TRIOBP: variants seen among roughly 807,000 people sequenced by gnomAD.
TRIOBP encodes the protein TRIO and F-actin binding protein.
Under a neutral mutation model 238.8 loss-of-function variants are expected in TRIOBP, and 169 were observed. That is an observed-to-expected ratio of 0.71 (90% CI 0.62 to 0.80). The LOEUF is 0.80. TRIOBP is among the 30% of genes least tolerant of loss of function. The pLI, the probability that TRIOBP is intolerant of heterozygous loss-of-function variation, is 0.00. For missense variants in TRIOBP, 2,838 were observed against 3,122.6 expected (o/e 0.91, Z 2.17); for synonymous variants, 1,150 against 1,274.4 (o/e 0.90, Z 2.08).
At chr22:37,697,892 C>T (rs1040669863) in intron 2 of TRIOBP, among the ~76,000 whole-genome samples, 196 bp downstream of exon 2, 1 of 152,046 alleles carries the variant, frequency 6.6e-6, no homozygotes, top group Non-Finnish European at 1.5e-5. Flanking sequence ...GAAAGGAGAA[C>T]CCTTGCACAA....
Position 37,734,435 on chromosome 22 carries a change from C to G in TRIOBP, c.4099C>G (p.Arg1367Gly). ...CCCTGCCAAACAGGCAGAACTGACC[C>G]GGCGGAGCCAAGCAGAGCCCCCTCA... ...MLPAKQAELT[R>G]RSQAEPPHPW... The change falls in exon 9 of 24, where the codon CGG (arginine) becomes GGG (glycine). Residue 1367 changes from arginine to glycine, a missense_variant. Physicochemically the swap from Arg to Gly is moderately radical, Grantham distance 125. This residue lies in a region of TRIOBP where 2,096 missense variants were observed against 2,137.4 expected (regional missense o/e 0.98). Coordinates refer to ENST00000644935, the MANE Select transcript of TRIOBP (RefSeq NM_001039141.3). The G allele has an allele frequency of 1.2e-6, 2 of 1,613,250 alleles. No individual in the cohort carries two copies. The highest frequency in any genetic ancestry group is 1.7e-6 in the Non-Finnish European group (2 of 1,179,948).
intron 23 of TRIOBP, among the ~76,000 whole-genome samples, chr22:37,773,251 C>T (rs529144470): frequency 2.6e-5 from 4 of 152,124 alleles, no homozygotes; most frequent in Admixed American, 2.6e-4. Flanking sequence ...AAAGGTCTTA[C>T]TCTGACACCC....
intron 17 of TRIOBP, among the ~76,000 whole-genome samples, chr22:37,761,534 G>A (rs914123141): frequency 1.1e-4 from 17 of 152,186 alleles, no homozygotes; most frequent in Admixed American, 1.1e-3. Flanking sequence ...GTGACATCAG[G>A]AAAGTGATGT....
At chr22:37,732,161 G>A (rs1327451964) in intron 7 of TRIOBP, among the ~76,000 whole-genome samples, 3 of 152,192 alleles carry the variant, frequency 2.0e-5, no homozygotes, top group Non-Finnish European at 4.4e-5. Context: ...CTTAGGTAGA[G>A]GAAGGGAGAG....
At chr22:37,755,023 C>T (rs1925840208) in intron 13 of TRIOBP, 39 bp downstream of exon 13, 1 of 1,611,340 alleles carries the variant, frequency 6.2e-7, no homozygotes, top group South Asian at 1.1e-5. Flanking sequence ...CCGGAAGGGC[C>T]TGGGGTGGCC....
At chr22:37,728,520 C>T (rs911527379) in intron 7 of TRIOBP, among the ~76,000 whole-genome samples, 2 of 151,776 alleles carry the variant, frequency 1.3e-5, no homozygotes, top group African/African-American at 4.9e-5. Context: ...CAGATGACAA[C>T]CGTGTGGTCT....
chr22:37,707,357 A>G (rs1484820350), intron 3 of TRIOBP, among the ~76,000 whole-genome samples: 1 of 151,818 alleles, frequency 6.6e-6, no homozygotes, highest in African/African-American at 2.4e-5. Context: ...CTGCCTGTGC[A>G]CTCCTCTGCC....
At chr22:37,763,500 G>A (rs1926340376) in intron 17 of TRIOBP, among the ~76,000 whole-genome samples, 1 of 152,136 alleles carries the variant, frequency 6.6e-6, no homozygotes, top group Non-Finnish European at 1.5e-5. Flanking sequence ...CTGGAGAGGC[G>A]GGGAGGTGGC....
Position 37,725,042 on chromosome 22 carries a change from C to T in TRIOBP, c.2486C>T (p.Thr829Ile). The stretch of plus-strand genomic sequence containing the variant: ...CAGAACATCCCCAGATCATCTTCTA[C>T]CCAACAAGACAACCCTAAAACCTCT... ...IQQNIPRSSS[T>I]QQDNPKTSCT... The change falls in exon 7 of 24, where the codon ACC becomes ATC. Residue 829 changes from threonine (T) to isoleucine (I), a missense_variant. Transcript: ENST00000644935. The T allele has an allele frequency of 1.2e-6, 2 of 1,614,148 alleles. No homozygotes were observed. Among genetic ancestry groups the T allele is most frequent in the Non-Finnish European group, 1.7e-6 (2 of 1,179,984 alleles).
At chr22:37,754,024 C>T (rs1025664626) in intron 12 of TRIOBP, among the ~76,000 whole-genome samples, 2 of 152,200 alleles carry the variant, frequency 1.3e-5, no homozygotes, top group African/African-American at 4.8e-5. Context: ...GAGACAGGCA[C>T]TGCAGGAAGG....
At position 37,723,323 on chromosome 22, in the gene TRIOBP, C is replaced by T. The variant is rs147645357; in HGVS notation, c.767C>T (p.Thr256Met). Residue 256 changes from threonine to methionine, a missense_variant, in exon 7 of 24, where the codon ACG (threonine) becomes ATG (methionine). Physicochemically the swap from Thr to Met is moderately conservative, Grantham distance 81. This residue lies in a region of TRIOBP where 535 missense variants were observed against 537.3 expected (regional missense o/e 1.00). Transcript: ENST00000644935. ...MTPHSGPRST[T>M]SQASPAQRDT... ...CCACACAGTGGACCTCGAAGCACCA[C>T]GTCTCAGGCTTCTCCTGCCCAAAGG... 1.1e-5 allele frequency: 18 copies of T among 1,614,134 alleles called. No individual in the cohort carries two copies. Among genetic ancestry groups the T allele is most frequent in the Middle Eastern group, 1.6e-4 (1 of 6,062 alleles).
intron 15 of TRIOBP, among the ~76,000 whole-genome samples, chr22:37,757,311 T>C (rs1034131595): frequency 1.3e-5 from 2 of 152,150 alleles, no homozygotes; most frequent in African/African-American, 4.8e-5. Context: ...TGCAGTGAAC[T>C]ATGATCACAC....
chr22:37,698,213 A>G (rs1162594712), intron 2 of TRIOBP, among the ~76,000 whole-genome samples: 2 of 133,204 alleles, frequency 1.5e-5, no homozygotes, highest in Non-Finnish European at 3.2e-5. Flanking sequence ...AAAAAAAAAA[A>G]AAAAAGAAAG....
chr22:37,767,203 A>G (rs1926541430), intron 18 of TRIOBP, among the ~76,000 whole-genome samples: 2 of 151,174 alleles, frequency 1.3e-5, no homozygotes, highest in Admixed American at 1.3e-4. Flanking sequence ...GTGAACCAAG[A>G]TTGTGCCACT....
chr22:37,759,556 T>C lies in TRIOBP; in HGVS notation c.6324+292T>C, dbSNP rs752896866. 22 of 1,598,734 alleles carry C rather than the reference T, an allele frequency of 1.4e-5. No homozygotes were observed. In the South Asian group the frequency reaches 2.0e-4, roughly 14 times the overall value. ...AGGGTCCGGCTGACTGCAGAGCCTG[T>C]GTGTGAGTCCCCGTGTGACACTCTG... On this transcript the variant is annotated intron_variant, in intron 17 of 23. Coordinates refer to ENST00000644935, the MANE Select transcript of TRIOBP (RefSeq NM_001039141.3).
intron 17 of TRIOBP, 154 bp downstream of exon 17, chr22:37,759,418 T>A: frequency 7.7e-7 from 1 of 1,298,730 alleles, no homozygotes; most frequent in Non-Finnish European, 1.1e-6. Flanking sequence ...TCCCCACAGC[T>A]GGTGGGCGTG....
Position 37,755,145 on chromosome 22 carries a change from T to C in TRIOBP, c.5532T>C (p.Asp1844=). 6.2e-7 allele frequency: 1 copy of C among 1,613,780 alleles called. No homozygotes were observed. Among genetic ancestry groups the C allele is most frequent in the Non-Finnish European group, 8.5e-7 (1 of 1,179,884 alleles). The part of the protein sequence containing the change: ...DGEIDLRSCT[D]VTEYAVQRNY... ...AGATCGACCTGCGTTCCTGCACGGA[T>C]GTCACTGAGTACGCGGTGCAGCGCA... The change falls in exon 14 of 24, where the codon GAT becomes GAC. Residue 1844 remains aspartate (D), a synonymous_variant. Transcript: ENST00000644935.
chr22:37,729,954 A>G (rs1924346107), intron 7 of TRIOBP, among the ~76,000 whole-genome samples: 1 of 152,078 alleles, frequency 6.6e-6, no homozygotes, highest in Non-Finnish European at 1.5e-5. Flanking sequence ...ATATGTATTT[A>G]TTGAGCATCT....
chr22:37,762,290 T>C (rs1926284395), intron 17 of TRIOBP, among the ~76,000 whole-genome samples: 1 of 152,188 alleles, frequency 6.6e-6, no homozygotes, highest in Non-Finnish European at 1.5e-5. Flanking sequence ...GGTCTTGAAC[T>C]CCTGGGCTCA....
Sources: gnomAD v4.1 joint callset for allele counts (sites outside exome capture counted in the v4.1 genomes callset) on GRCh38, gnomAD v4.1.1 for gene constraint, gnomAD v4.1.1 regional missense constraint, MANE v1.5 for transcripts, NCBI Gene and HGNC (gene_info 2026-07-23, HGNC 2026-07-21) for gene names.